AGPAT4: variants seen among roughly 807,000 people sequenced by gnomAD.
The protein encoded by AGPAT4 is 1-acyl-sn-glycerol-3-phosphate acyltransferase delta.
AGPAT4 carries 15 observed loss-of-function variants against 48.0 expected under a neutral mutation model. The ratio of observed to expected loss-of-function variants is 0.31; its 90% CI spans 0.21 to 0.48. The LOEUF (loss-of-function observed/expected upper bound fraction) is 0.48. AGPAT4 is among the 20% of genes least tolerant of loss of function. AGPAT4 has a pLI of 0.99. For synonymous variants in AGPAT4, 178 were observed against 198.7 expected (o/e 0.90, Z 0.88); for missense variants, 314 against 482.5 (o/e 0.65, Z 3.27).
At chr6:161,268,623 G>A (rs528642690) in intron 1 of AGPAT4, among the ~76,000 whole-genome samples, 2 of 152,312 alleles carry the variant, frequency 1.3e-5, no homozygotes, top group South Asian at 4.1e-4. Flanking sequence ...CCTAAACAGA[G>A]CAGAGATGCC....
chr6:161,244,701 C>T lies in AGPAT4; in HGVS notation c.-89-12399G>A, dbSNP rs530447332. 3.3e-5 allele frequency among the ~76,000 whole-genome samples: 5 copies of T among 152,266 alleles called. No individual in the cohort carries two copies. The East Asian group carries it at 5.8e-4, about 18-fold the overall frequency. On this transcript the variant is annotated intron_variant, in intron 1 of 8. Coordinates refer to ENST00000320285, the MANE Select transcript of AGPAT4 (RefSeq NM_020133.3). The surrounding 1 kb of genome is among the most constrained non-coding windows in gnomAD (Gnocchi z 4.7). ...TCTGACATCTCCGATCCAGTAAAGCCGACAAGGGTGCACACATCTCTCCCT... is the reference window on the plus strand; with the variant it reads ...TCTGACATCTCCGATCCAGTAAAGCTGACAAGGGTGCACACATCTCTCCCT...
rs1483414115 is a variant in AGPAT4 at position 161,165,698 on chromosome 6, C to G, written c.348+550G>C. The G allele has an allele frequency of 8.8e-7, 1 of 1,142,748 alleles. No homozygotes were observed. Among genetic ancestry groups the G allele is most frequent in the Non-Finnish European group, 1.2e-6 (1 of 841,894 alleles). 70.8% of individuals were successfully genotyped at this position (1,142,748 alleles called of 1,614,324 possible). On this transcript the variant is annotated intron_variant, in intron 3 of 8. Coordinates refer to ENST00000320285, the MANE Select transcript of AGPAT4 (RefSeq NM_020133.3). This position sits in a 1 kb window ranked among gnomAD's most constrained non-coding sequence, Gnocchi z 5.5. ...CCCAGTTCCAAAGGCATGCAAGCTA[C>G]GTGCAAGAGGTCAAACTAGTTGGGA...
At position 161,158,002 on chromosome 6, in the gene AGPAT4, G is replaced by C. The variant is rs1297322335; in HGVS notation, c.349-3692C>G. On this transcript the variant is annotated intron_variant, in intron 3 of 8. Transcript: ENST00000320285. The surrounding 1 kb of genome is among the most constrained non-coding windows in gnomAD (Gnocchi z 5.3). ...AACATCTACAAAAGCACAAAGTTGA[G>C]ACTCTGACATGGGCGTTCAATAACT... is the stretch of plus-strand genomic sequence containing the variant. Among the ~76,000 whole-genome samples the C allele has an allele frequency of 6.6e-6, 1 of 152,206 alleles. No individual in the cohort carries two copies. The highest frequency in any genetic ancestry group is 1.5e-5 in the Non-Finnish European group (1 of 68,026).
In AGPAT4 at chr6:161,154,665, G is replaced by A. The variant is rs986976724; in HGVS notation, c.349-355C>T. Among the ~76,000 whole-genome samples the A allele has an allele frequency of 2.6e-5, 4 of 152,122 alleles. No individual in the cohort carries two copies. The highest frequency in any genetic ancestry group is 4.8e-5 in the African/African-American group (2 of 41,418). On this transcript the variant is annotated intron_variant, in intron 3 of 8. Transcript: ENST00000320285. This position sits in a 1 kb window ranked among gnomAD's most constrained non-coding sequence, Gnocchi z 7.8. ...TCTAGGTTATCACCGTCACATACTC[G>A]CTAAGCCCACCGTGCAGCTGTGTGA...
chr6:161,135,880 C>G lies in AGPAT4; in HGVS notation c.*660G>C, dbSNP rs567492724. ...TCGTTGGTCTCCACGCACGTGCTTG[C>G]CATCTCTGCTCTCACAAATGCTCAC... On this transcript the variant is annotated 3_prime_UTR_variant, in exon 9 of 9. Coordinates refer to ENST00000320285, the MANE Select transcript of AGPAT4 (RefSeq NM_020133.3). 6.5e-6 allele frequency: 1 copy of G among 152,776 alleles called. No homozygotes were observed. Among genetic ancestry groups the G allele is most frequent in the East Asian group, 1.9e-4 (1 of 5,172 alleles). 9.5% of individuals were successfully genotyped at this position (152,776 alleles called of 1,614,324 possible). A position where few individuals can be genotyped will look rare whatever the true frequency, so the allele number is the denominator to read the frequency against.
rs916670636 is a variant in AGPAT4 at position 161,146,738 on chromosome 6, T to C, written c.768-139A>G. The C allele has an allele frequency of 5.3e-6, 4 of 756,678 alleles. No homozygotes were observed. In the African/African-American group the frequency reaches 7.0e-5, roughly 13 times the overall value. 46.9% of individuals were successfully genotyped at this position (756,678 alleles called of 1,614,324 possible). A position where few individuals can be genotyped will look rare whatever the true frequency, so the allele number is the denominator to read the frequency against. On this transcript the variant is annotated intron_variant, in intron 6 of 8. Transcript: ENST00000320285. This position sits in a 1 kb window ranked among gnomAD's most constrained non-coding sequence, Gnocchi z 7.1. Reference sequence around the variant, plus strand: ...GAACTGAAGAGAGTAATGCAAGTGATAGAAAGAAGGGGCGTTCCACATCCA... The same window carrying C: ...GAACTGAAGAGAGTAATGCAAGTGACAGAAAGAAGGGGCGTTCCACATCCA...
At chr6:161,174,907 T>C (rs555872427) in intron 2 of AGPAT4, among the ~76,000 whole-genome samples, 1 of 152,318 alleles carries the variant, frequency 6.6e-6, no homozygotes, top group African/African-American at 2.4e-5. Flanking sequence ...GAGATGATCG[T>C]GTGGTTTTTG....
chr6:161,194,727 A>ATG (rs1202056322), intron 2 of AGPAT4, among the ~76,000 whole-genome samples: 1 of 152,026 alleles, frequency 6.6e-6, no homozygotes, highest in Non-Finnish European at 1.5e-5. Context: ...GTATGTGCAT[A>ATG]TGTGTGTGTG....
rs1583278866 is a variant in AGPAT4 at position 161,146,429 on chromosome 6, C to T, written c.843+95G>A. On this transcript the variant is annotated intron_variant, in intron 7 of 8. Transcript: ENST00000320285. This position sits in a 1 kb window ranked among gnomAD's most constrained non-coding sequence, Gnocchi z 7.1. ...ACTAATAACTGGCTCTGTGAGATCT[C>T]GCCCACCGGAGAAAGGCCTGCTACC... The T allele has an allele frequency of 1.5e-5, 18 of 1,186,844 alleles. No homozygotes were observed. The East Asian group carries it at 2.2e-4, about 14-fold the overall frequency. 73.5% of individuals were successfully genotyped at this position (1,186,844 alleles called of 1,614,324 possible). A position where few individuals can be genotyped will look rare whatever the true frequency, so the allele number is the denominator to read the frequency against.
chr6:161,162,953 G>A (rs564783743), intron 3 of AGPAT4, among the ~76,000 whole-genome samples: 4 of 152,332 alleles, frequency 2.6e-5, no homozygotes, highest in Non-Finnish European at 4.4e-5. Flanking sequence ...AGCTGACTGC[G>A]TGTCACTCTC....
In AGPAT4 at chr6:161,189,696, C is replaced by T. The variant is rs1456179590; in HGVS notation, c.179-23279G>A. ...TCCATCAGTCTCTGGCCCCCTCTTC[C>T]ACCTCACTGTCTCCACCTGCCCCTT... On this transcript the variant is annotated intron_variant, in intron 2 of 8. Coordinates refer to ENST00000320285, the MANE Select transcript of AGPAT4 (RefSeq NM_020133.3). The surrounding 1 kb of genome is among the most constrained non-coding windows in gnomAD (Gnocchi z 5.3). Among the ~76,000 whole-genome samples the T allele has an allele frequency of 1.3e-5, 2 of 152,154 alleles. No individual in the cohort carries two copies. Among genetic ancestry groups the T allele is most frequent in the African/African-American group, 2.4e-5 (1 of 41,426 alleles).
At position 161,220,751 on chromosome 6, in the gene AGPAT4, C is replaced by T. The variant is rs1781813588; in HGVS notation, c.178+11285G>A. ...GACTGCCCCATTGGTTGTGCAAAGCCATTCTGAAGACTCGGACAGCGTAGA... is the reference window on the plus strand; with the variant it reads ...GACTGCCCCATTGGTTGTGCAAAGCTATTCTGAAGACTCGGACAGCGTAGA... On this transcript the variant is annotated intron_variant, in intron 2 of 8. Coordinates refer to ENST00000320285, the MANE Select transcript of AGPAT4 (RefSeq NM_020133.3). This position sits in a 1 kb window ranked among gnomAD's most constrained non-coding sequence, Gnocchi z 6.0. Among the ~76,000 whole-genome samples, 2 of 150,232 alleles carry T rather than the reference C, an allele frequency of 1.3e-5. No homozygotes were observed. Among genetic ancestry groups the T allele is most frequent in the South Asian group, 4.2e-4 (2 of 4,708 alleles).
rs929809533 is a variant in AGPAT4 at position 161,166,472 on chromosome 6, C to A, written c.179-55G>T. 1.3e-6 allele frequency: 2 copies of A among 1,532,892 alleles called. No homozygotes were observed. Among genetic ancestry groups the A allele is most frequent in the African/African-American group, 2.8e-5 (2 of 72,278 alleles). The allele number at this position is 1,532,892 out of a possible 1,614,324, so 95.0% of individuals were successfully genotyped here. ...ACTACATGCAGCCTTGTCCTGGGAG[C>A]CCTGCTGAGAGCAGGGCTCTGCCCT... On this transcript the variant is annotated intron_variant, in intron 2 of 8. Transcript: ENST00000320285. The surrounding 1 kb of genome is among the most constrained non-coding windows in gnomAD (Gnocchi z 6.7).
In AGPAT4 at chr6:161,155,534, T is replaced by G. The variant is rs915541600; in HGVS notation, c.349-1224A>C. ...CCTACTGGCAGAACAGAAAAAGGTC[T>G]AAACAGCCAATTGCTACCCTACTTT... On this transcript the variant is annotated intron_variant, in intron 3 of 8. Coordinates refer to ENST00000320285, the MANE Select transcript of AGPAT4 (RefSeq NM_020133.3). The surrounding 1 kb of genome is among the most constrained non-coding windows in gnomAD (Gnocchi z 5.8). Among the ~76,000 whole-genome samples the G allele has an allele frequency of 2.0e-5, 3 of 152,192 alleles. No homozygotes were observed. The highest frequency in any genetic ancestry group is 4.4e-5 in the Non-Finnish European group (3 of 68,048).
Position 161,223,092 on chromosome 6 carries a change from C to T in AGPAT4, c.178+8944G>A, listed in dbSNP as rs1781874595. ...CTTCCCTGCACTCCCTGTGTACCTC[C>T]AGTCTAATCATCAACTCACTGCTCT... is the stretch of plus-strand genomic sequence containing the variant. On this transcript the variant is annotated intron_variant, in intron 2 of 8. Coordinates refer to ENST00000320285, the MANE Select transcript of AGPAT4 (RefSeq NM_020133.3). This position sits in a 1 kb window ranked among gnomAD's most constrained non-coding sequence, Gnocchi z 6.3. 6.6e-6 allele frequency among the ~76,000 whole-genome samples: 1 copy of T among 152,152 alleles called. No individual in the cohort carries two copies. Among genetic ancestry groups the T allele is most frequent in the Non-Finnish European group, 1.5e-5 (1 of 68,034 alleles).
Position 161,165,433 on chromosome 6 carries a change from T to C in AGPAT4, c.348+815A>G. 3.1e-6 allele frequency: 1 copy of C among 324,126 alleles called. No individual in the cohort carries two copies. Among genetic ancestry groups the C allele is most frequent in the Non-Finnish European group, 5.3e-6 (1 of 190,324 alleles). 20.1% of individuals were successfully genotyped at this position (324,126 alleles called of 1,614,324 possible). ...CTTCAGGGGCTACCAAAAAGCAAGGTGATTTCAGCAGCCCCCGTATCTGTT... is the reference window on the plus strand; with the variant it reads ...CTTCAGGGGCTACCAAAAAGCAAGGCGATTTCAGCAGCCCCCGTATCTGTT... On this transcript the variant is annotated intron_variant, in intron 3 of 8. Transcript: ENST00000320285. The surrounding 1 kb of genome is among the most constrained non-coding windows in gnomAD (Gnocchi z 5.5).
chr6:161,149,329 G>T lies in AGPAT4; in HGVS notation c.665-40C>A. 6.4e-7 allele frequency: 1 copy of T among 1,557,882 alleles called. No homozygotes were observed. Among genetic ancestry groups the T allele is most frequent in the Admixed American group, 1.9e-5 (1 of 51,968 alleles). On this transcript the variant is annotated intron_variant, in intron 5 of 8. Coordinates refer to ENST00000320285, the MANE Select transcript of AGPAT4 (RefSeq NM_020133.3). This position sits in a 1 kb window ranked among gnomAD's most constrained non-coding sequence, Gnocchi z 6.5. ...ACAAATACAAAGCAGTATATAGCGT[G>T]TGAACCCAATTTTGTTCTGTAGATA...
rs1436560808 is a variant in AGPAT4 at position 161,231,663 on chromosome 6, T to C, written c.178+373A>G. On this transcript the variant is annotated intron_variant, in intron 2 of 8. Coordinates refer to ENST00000320285, the MANE Select transcript of AGPAT4 (RefSeq NM_020133.3). The surrounding 1 kb of genome is among the most constrained non-coding windows in gnomAD (Gnocchi z 5.3). ...AAATACGTATGTATATGTATCTATA[T>C]AGATATATACACAGAAAGACGCACA... 6.6e-6 allele frequency among the ~76,000 whole-genome samples: 1 copy of C among 152,202 alleles called. No individual in the cohort carries two copies. The highest frequency in any genetic ancestry group is 2.4e-5 in the African/African-American group (1 of 41,444).
Position 161,238,063 on chromosome 6 carries a change from G to A in AGPAT4, c.-89-5761C>T, listed in dbSNP as rs1172027950. 6.6e-6 allele frequency among the ~76,000 whole-genome samples: 1 copy of A among 150,428 alleles called. No individual in the cohort carries two copies. Among genetic ancestry groups the A allele is most frequent in the Non-Finnish European group, 1.5e-5 (1 of 67,396 alleles). ...AGCACTGCTGTGTGTTGGGGGGCTG[G>A]GGGTGGGGGGGTAATGGGGGGGTTG... On this transcript the variant is annotated intron_variant, in intron 1 of 8. Coordinates refer to ENST00000320285, the MANE Select transcript of AGPAT4 (RefSeq NM_020133.3). This position sits in a 1 kb window ranked among gnomAD's most constrained non-coding sequence, Gnocchi z 5.2.
Sources: allele counts gnomAD v4.1 joint callset (sites outside exome capture counted in the v4.1 genomes callset), GRCh38; gene constraint gnomAD v4.1.1; non-coding constraint Gnocchi (gnomAD v3.1); transcripts MANE v1.5; gene names NCBI Gene and HGNC (gene_info 2026-07-23, HGNC 2026-07-21).